Variants in NDUFS2 observed in about 807,000 individuals in gnomAD.
NDUFS2 encodes the protein NADH dehydrogenase [ubiquinone] iron-sulfur protein 2, mitochondrial.
NDUFS2 carries 38 observed loss-of-function variants against 69.6 expected under a neutral mutation model. The ratio of observed to expected loss-of-function variants is 0.55; its 90% CI spans 0.42 to 0.72. The LOEUF (loss-of-function observed/expected upper bound fraction) is 0.72, where lower values mean the gene tolerates loss of function less well. Among genes scored for constraint, NDUFS2 ranks in the 30% least tolerant of loss-of-function variants. The pLI, the probability that NDUFS2 is intolerant of heterozygous loss-of-function variation, is 0.00. For synonymous variants in NDUFS2, 194 were observed against 211.2 expected (o/e 0.92, Z 0.70); for missense variants, 468 against 595.0 (o/e 0.79, Z 2.22).
Position 161,210,583 on chromosome 1 carries a change from C to T in NDUFS2, c.867-8C>T, listed in dbSNP as rs1233617948. 6.2e-7 allele frequency: 1 copy of T among 1,614,132 alleles called. No homozygotes were observed. Among genetic ancestry groups the T allele is most frequent in the East Asian group, 2.2e-5 (1 of 44,886 alleles). Reference sequence around the variant, plus strand: ...GAGTGGCCCTTATTCCCATTATGCTCTCCACAGTGGAGTGATGCTTCGGGG... The same window carrying T: ...GAGTGGCCCTTATTCCCATTATGCTTTCCACAGTGGAGTGATGCTTCGGGG... On this transcript the variant is annotated splice_polypyrimidine_tract_variant and splice_region_variant and intron_variant, in intron 8 of 13. Coordinates refer to ENST00000676972, the MANE Select transcript of NDUFS2 (RefSeq NM_001377299.1).
At position 161,214,018 on chromosome 1, in the gene NDUFS2, A is replaced by G. The variant is rs1244221746; in HGVS notation, c.1354+97A>G. On this transcript the variant is annotated intron_variant, in intron 13 of 13. Transcript: ENST00000676972. Reference sequence around the variant, plus strand: ...GAACACTTCCTGTTCACCATAGGCCATGGCATGGACTCGGGTCCTCAATCT... The same window carrying G: ...GAACACTTCCTGTTCACCATAGGCCGTGGCATGGACTCGGGTCCTCAATCT... 5 of 1,613,606 alleles carry G rather than the reference A, an allele frequency of 3.1e-6. No homozygotes were observed. The East Asian group carries it at 6.7e-5, about 22-fold the overall frequency.
At chr1:161,212,105 C>T (rs949646048) in intron 9 of NDUFS2, among the ~76,000 whole-genome samples, 2 of 150,830 alleles carry the variant, frequency 1.3e-5, no homozygotes, top group Non-Finnish European at 2.9e-5. Context: ...CTTTGGAGAC[C>T]GAGATGGGAG....
At chr1:161,212,899 TTTTTTTTA>T (rs1212597158) in intron 10 of NDUFS2, among the ~76,000 whole-genome samples, 1 of 151,824 alleles carries the variant, frequency 6.6e-6, no homozygotes, top group East Asian at 1.9e-4. Flanking sequence ...GAGATTCGGG[TTTTTTTTA>T]TTTTTTTATT....
chr1:161,203,963 T>A, intron 2 of NDUFS2: 1 of 260,526 alleles, frequency 3.8e-6, no homozygotes, highest in Non-Finnish European at 7.7e-6. Context: ...CCCTATCCTG[T>A]TTGCTTCTTT....
At chr1:161,209,348 GAGCAT>G (rs770771133) in intron 4 of NDUFS2, 35 bp downstream of exon 4, 225 of 1,613,926 alleles carry the variant, frequency 1.4e-4, no homozygotes, top group Admixed American at 8.3e-5. Context: ...GGCCCACTGT[GAGCAT>G]AGCATAGTGC....
rs1665285001 is a variant in NDUFS2, at chr1:161,203,627, C to T, written c.202+84C>T. On this transcript the variant is annotated intron_variant, in intron 2 of 13. Coordinates refer to ENST00000676972, the MANE Select transcript of NDUFS2 (RefSeq NM_001377299.1). Reference sequence around the variant, plus strand: ...TTTTCTTTTTTTGAGACAGGGTTTCCCTCTGTCTCCCTGGCTGGAGTGCAG... The same window carrying T: ...TTTTCTTTTTTTGAGACAGGGTTTCTCTCTGTCTCCCTGGCTGGAGTGCAG... 5.2e-6 allele frequency: 6 copies of T among 1,152,054 alleles called. No individual in the cohort carries two copies. In the Admixed American group the frequency reaches 5.9e-5, roughly 11 times the overall value. 71.4% of individuals were successfully genotyped at this position (1,152,054 alleles called of 1,614,324 possible). A position where few individuals can be genotyped will look rare whatever the true frequency, so the allele number is the denominator to read the frequency against.
chr1:161,213,592 G>A (rs1460433699), intron 11 of NDUFS2, 57 bp from the exon 12 acceptor site: 1 of 1,583,890 alleles, frequency 6.3e-7, no homozygotes, highest in Non-Finnish European at 8.7e-7. Flanking sequence ...AGGTTTTGTT[G>A]GCAGAGAAAA....
At chr1:161,198,401 C>T (rs148118422), upstream of NDUFS2, 148 of 1,608,642 alleles carry the variant, frequency 9.2e-5, no homozygotes, top group African/African-American at 1.8e-3. The surrounding 1 kb of genome is among the most constrained non-coding windows in gnomAD (Gnocchi z 4.7). Context: ...GGCAGGGGCG[C>T]CCGAGCCAGG....
In NDUFS2 at chr1:161,204,886, A is replaced by C. The variant is rs188468752; in HGVS notation, c.202+1343A>C. On this transcript the variant is annotated intron_variant, in intron 2 of 13. Transcript: ENST00000676972. Reference sequence around the variant, plus strand: ...GCCAACATGGTGAAACCCCGCCTCTACTAAAAATACAGAAATTAGCCAGGC... The same window carrying C: ...GCCAACATGGTGAAACCCCGCCTCTCCTAAAAATACAGAAATTAGCCAGGC... Among the ~76,000 whole-genome samples, 638 of 152,280 alleles carry C rather than the reference A, an allele frequency of 4.2e-3. 5 individuals are homozygous for C. Among genetic ancestry groups the C allele is most frequent in the African/African-American group, 0.015 (612 of 41,566 alleles).
chr1:161,198,927 G>C (rs1306731933), upstream of NDUFS2: 3 of 360,292 alleles, frequency 8.3e-6, no homozygotes, highest in African/African-American at 6.3e-5. This position sits in a 1 kb window ranked among gnomAD's most constrained non-coding sequence, Gnocchi z 4.7. Context: ...CCCTCTGTAG[G>C]ACTCTGTCTG....
upstream of NDUFS2, among the ~76,000 whole-genome samples, chr1:161,200,694 G>A (rs140927448): frequency 1.3e-5 from 2 of 152,240 alleles, no homozygotes; most frequent in East Asian, 3.9e-4. Flanking sequence ...AAGCCAACGG[G>A]GCTGGGACTA....
chr1:161,200,932 C>A (rs1284846625), upstream of NDUFS2, among the ~76,000 whole-genome samples: 2 of 152,136 alleles, frequency 1.3e-5, no homozygotes, highest in African/African-American at 2.4e-5. Flanking sequence ...CCTCAGGAGC[C>A]CCCCACCCCA....
At chr1:161,199,989 C>T (rs1177819973), upstream of NDUFS2, among the ~76,000 whole-genome samples, 3 of 151,954 alleles carry the variant, frequency 2.0e-5, no homozygotes, top group African/African-American at 4.8e-5. Flanking sequence ...TAAACCCTCC[C>T]CCAGCCTCAA....
At chr1:161,212,771 G>T (rs940927262) in intron 10 of NDUFS2, 3 of 357,338 alleles carry the variant, frequency 8.4e-6, no homozygotes, top group African/African-American at 6.4e-5. Flanking sequence ...ATTGGTCAGG[G>T]TGGTCTCGAA....
chr1:161,214,061 G>A (rs980972334), intron 13 of NDUFS2, 95 bp from the exon 14 acceptor site: 2 of 1,613,598 alleles, frequency 1.2e-6, no homozygotes, highest in Non-Finnish European at 1.7e-6. Context: ...ACAGTAATGG[G>A]TTCTGGATCT....
chr1:161,210,585 C>T lies in NDUFS2; in HGVS notation c.867-6C>T. On this transcript the variant is annotated splice_polypyrimidine_tract_variant and splice_region_variant and intron_variant, in intron 8 of 13. Transcript: ENST00000676972. ...GTGGCCCTTATTCCCATTATGCTCT[C>T]CACAGTGGAGTGATGCTTCGGGGCT... The T allele has an allele frequency of 1.9e-6, 3 of 1,614,122 alleles. No individual in the cohort carries two copies. The highest frequency in any genetic ancestry group is 2.5e-6 in the Non-Finnish European group (3 of 1,180,020).
chr1:161,198,529 C>G, upstream of NDUFS2: 1 of 1,566,940 alleles, frequency 6.4e-7, no homozygotes, highest in Non-Finnish European at 8.7e-7. The surrounding 1 kb of genome is among the most constrained non-coding windows in gnomAD (Gnocchi z 4.7). Context: ...GCCACACCAG[C>G]CAGGAGAGCG....
chr1:161,213,781 T>G, intron 12 of NDUFS2, 49 bp downstream of exon 12: 1 of 1,610,932 alleles, frequency 6.2e-7, no homozygotes, highest in Non-Finnish European at 8.5e-7. Flanking sequence ...AAACCTGACC[T>G]TGGTTGAGGT....
chr1:161,214,116 G>A (rs755113098), intron 13 of NDUFS2, 40 bp from the exon 14 acceptor site: 1 of 1,614,064 alleles, frequency 6.2e-7, no homozygotes, highest in South Asian at 1.1e-5. Flanking sequence ...ACAACAGGAA[G>A]ATAAGTAACA....
Sources: gnomAD v4.1 joint callset for allele counts (sites outside exome capture counted in the v4.1 genomes callset) on GRCh38, gnomAD v4.1.1 for gene constraint, Gnocchi (gnomAD v3.1) non-coding constraint, MANE v1.5 for transcripts, NCBI Gene and HGNC (gene_info 2026-07-23, HGNC 2026-07-21) for gene names.